Variants in AHCYL1 observed in about 807,000 individuals in gnomAD.
The protein encoded by AHCYL1 is adenosylhomocysteinase like 1.
A neutral mutation model predicts 79.3 loss-of-function variants in AHCYL1; 20 were observed. That is an observed-to-expected ratio of 0.25 (90% CI 0.18 to 0.37). The LOEUF (loss-of-function observed/expected upper bound fraction) is 0.37. Ranked by LOEUF, AHCYL1 falls within the 10% of genes least tolerant of loss-of-function variation. The probability of loss-of-function intolerance (pLI) is 1.00; values close to 1 mark genes in which losing one functional copy is unlikely to be tolerated. For missense variants in AHCYL1, 330 were observed against 673.6 expected (o/e 0.49, Z 5.65); for synonymous variants, 223 against 242.2 (o/e 0.92, Z 0.74).
intron 1 of AHCYL1, among the ~76,000 whole-genome samples, chr1:109,990,578 A>C (rs1432087206): frequency 6.6e-6 from 1 of 152,222 alleles, no homozygotes; most frequent in Non-Finnish European, 1.5e-5. Context: ...TCTTTTCAAT[A>C]AGAAAATTTT....
chr1:110,006,599 G>A (rs931032216), intron 1 of AHCYL1, among the ~76,000 whole-genome samples: 2 of 152,114 alleles, frequency 1.3e-5, no homozygotes, highest in Admixed American at 1.3e-4. Context: ...TATTTTCAAC[G>A]TGAGGGTGAA....
chr1:109,993,581 A>G (rs2298116), intron 1 of AHCYL1, among the ~76,000 whole-genome samples: 7,263 of 152,328 alleles, frequency 0.048, 183 homozygotes, highest in East Asian at 0.093. Flanking sequence ...GCCCTCTCAC[A>G]TAGGTATAAG....
chr1:109,985,663 T>C (rs1369937968), intron 1 of AHCYL1: 5 of 558,854 alleles, frequency 8.9e-6, no homozygotes, highest in Non-Finnish European at 1.1e-5. Context: ...AGCTCTGATA[T>C]ACAGGTGAAA....
At chr1:110,021,020 G>A (rs1651761724) in intron 16 of AHCYL1, among the ~76,000 whole-genome samples, 169 bp downstream of exon 16, 1 of 152,222 alleles carries the variant, frequency 6.6e-6, no homozygotes, top group African/African-American at 2.4e-5. Flanking sequence ...CACTTTGAGA[G>A]GCCTAGGCGG....
At chr1:110,003,942 G>A (rs985770238) in intron 1 of AHCYL1, 6 of 985,322 alleles carry the variant, frequency 6.1e-6, no homozygotes, top group Non-Finnish European at 7.2e-6. Context: ...AGTCAGTGAA[G>A]TGTTTAGTCT....
intron 14 of AHCYL1, 52 bp downstream of exon 14, chr1:110,019,171 G>C: frequency 2.0e-6 from 3 of 1,510,630 alleles, no homozygotes; most frequent in Non-Finnish European, 2.8e-6. Context: ...GGAACTGGGC[G>C]TAGATCAGTT....
Position 110,023,289 on chromosome 1 carries a change from A to T in AHCYL1, c.*1609A>T, listed in dbSNP as rs1651910786. 1 of 152,420 alleles carries T rather than the reference A, an allele frequency of 6.6e-6. No individual in the cohort carries two copies. The highest frequency in any genetic ancestry group is 1.5e-5 in the Non-Finnish European group (1 of 68,002). 9.4% of individuals were successfully genotyped at this position (152,420 alleles called of 1,614,324 possible). ...AAAACTTTTTTCCCTTTTCTCTCCCATTTTCTTTTACCCAATCCCTTCTTA... is the reference window on the plus strand; with the variant it reads ...AAAACTTTTTTCCCTTTTCTCTCCCTTTTTCTTTTACCCAATCCCTTCTTA... On this transcript the variant is annotated 3_prime_UTR_variant, in exon 17 of 17. Transcript: ENST00000369799.
At chr1:110,016,818 C>T in intron 9 of AHCYL1, 88 bp downstream of exon 9, 1 of 1,482,714 alleles carries the variant, frequency 6.7e-7, no homozygotes, top group Admixed American at 2.0e-5. Context: ...AATCTAGAGT[C>T]ACTGATACAA....
intron 1 of AHCYL1, among the ~76,000 whole-genome samples, chr1:109,998,138 A>G: frequency 6.6e-6 from 1 of 152,210 alleles, no homozygotes; most frequent in South Asian, 2.1e-4. Flanking sequence ...AAGCTAGAGA[A>G]TATAATCACA....
chr1:110,002,397 T>A (rs1650365616), intron 1 of AHCYL1, among the ~76,000 whole-genome samples: 1 of 152,236 alleles, frequency 6.6e-6, no homozygotes, highest in South Asian at 2.1e-4. Context: ...AAGAGCCAGC[T>A]TGAAGGAGGC....
intron 1 of AHCYL1, among the ~76,000 whole-genome samples, chr1:110,007,759 C>G (rs984211960): frequency 2.9e-4 from 44 of 152,266 alleles, no homozygotes; most frequent in African/African-American, 9.1e-4. Context: ...TTAGTCAGAT[C>G]GTGAACAGAA....
At chr1:110,021,218 G>A (rs1358389917) in intron 16 of AHCYL1, among the ~76,000 whole-genome samples, 1 of 152,154 alleles carries the variant, frequency 6.6e-6, no homozygotes, top group Non-Finnish European at 1.5e-5. Context: ...TCCAGCCTGG[G>A]TGATGGAGTG....
intron 1 of AHCYL1, among the ~76,000 whole-genome samples, chr1:109,988,060 GA>G (rs552376346): frequency 1.1e-3 from 168 of 152,092 alleles, no homozygotes; most frequent in Non-Finnish European, 2.2e-3. Context: ...TAGAAAGAAT[GA>G]AAAAAATATT....
chr1:110,002,051 C>T (rs546132439), intron 1 of AHCYL1, among the ~76,000 whole-genome samples: 6 of 152,184 alleles, frequency 3.9e-5, no homozygotes. Flanking sequence ...ATAGAATAAA[C>T]AAACATTAGA....
intron 1 of AHCYL1, chr1:109,995,727 T>A (rs916218603): frequency 2.0e-6 from 2 of 978,658 alleles, no homozygotes; most frequent in African/African-American, 3.5e-5. Context: ...GAGGGTTTTT[T>A]CGCAATAACT....
At position 110,012,779 on chromosome 1, in the gene AHCYL1, T is replaced by C. The variant is rs1320642549; in HGVS notation, c.478-118T>C. 7.1e-6 allele frequency: 5 copies of C among 708,430 alleles called. No individual in the cohort carries two copies. In the African/African-American group the frequency reaches 9.0e-5, roughly 13 times the overall value. 43.9% of individuals were successfully genotyped at this position (708,430 alleles called of 1,614,324 possible). A position where few individuals can be genotyped will look rare whatever the true frequency, so the allele number is the denominator to read the frequency against. ...CGCTGGAGTACACCCTTTTGTAACT[T>C]TCCAGTGTAGCACCTGTTGGTGCAG... On this transcript the variant is annotated intron_variant, in intron 4 of 16. Transcript: ENST00000369799.
At position 110,009,092 on chromosome 1, in the gene AHCYL1, G is replaced by A. The variant is rs1259490926; in HGVS notation, c.179G>A (p.Arg60Gln). 2.5e-6 allele frequency: 4 copies of A among 1,613,846 alleles called. No homozygotes were observed. The highest frequency in any genetic ancestry group is 1.7e-5 in the Admixed American group (1 of 59,980). ...EFTKFPTKTG[R>Q]RSLSRSISQS... Reference sequence around the variant, plus strand: ...ACCAAATTCCCCACCAAAACTGGCCGAAGATCTTTGTCTCGCTCGATCTCA... The same window carrying A: ...ACCAAATTCCCCACCAAAACTGGCCAAAGATCTTTGTCTCGCTCGATCTCA... Residue 60 changes from arginine to glutamine, a missense_variant, in exon 2 of 17, where the codon CGA becomes CAA. This residue lies in a region of AHCYL1 where 97 missense variants were observed against 176.3 expected (regional missense o/e 0.55). Coordinates refer to ENST00000369799, the MANE Select transcript of AHCYL1 (RefSeq NM_006621.7).
intron 1 of AHCYL1, among the ~76,000 whole-genome samples, chr1:109,987,778 G>C (rs1649551613): frequency 6.6e-6 from 1 of 152,166 alleles, no homozygotes; most frequent in South Asian, 2.1e-4. Context: ...TTGTTGGTTT[G>C]ATTGAAGATT....
chr1:110,010,165 TG>T (rs1413842350), intron 2 of AHCYL1, among the ~76,000 whole-genome samples: 1 of 152,218 alleles, frequency 6.6e-6, no homozygotes, highest in Non-Finnish European at 1.5e-5. Context: ...ATAAAACGAC[TG>T]AAGAAGGCTT....
Sources: gnomAD v4.1 joint callset for allele counts (sites outside exome capture counted in the v4.1 genomes callset) on GRCh38, gnomAD v4.1.1 for gene constraint, gnomAD v4.1.1 regional missense constraint, MANE v1.5 for transcripts, NCBI Gene and HGNC (gene_info 2026-07-23, HGNC 2026-07-21) for gene names.